Variants in FAM81A observed in about 807,000 individuals in gnomAD.
FAM81A encodes family with sequence similarity 81 member A, also known as protein FAM81A.
FAM81A carries 19 observed loss-of-function variants against 46.7 expected under a neutral mutation model. The observed-to-expected ratio is 0.41, with a 90% confidence interval of 0.28 to 0.60. FAM81A has a LOEUF of 0.60. Ranked by LOEUF, FAM81A falls within the 20% of genes least tolerant of loss-of-function variation. The pLI, the probability that FAM81A is intolerant of heterozygous loss-of-function variation, is 0.34. For missense variants in FAM81A, 377 were observed against 453.5 expected, an observed-to-expected ratio of 0.83 and a Z score of 1.53; for synonymous variants, 183 against 152.9, an observed-to-expected ratio of 1.20 and a Z score of -1.45.
intron 3 of FAM81A, among the ~76,000 whole-genome samples, chr15:59,491,053 C>T (rs956467344): frequency 5.3e-5 from 8 of 152,146 alleles, no homozygotes; most frequent in African/African-American, 1.7e-4. Context: ...TCAGCAATCC[C>T]ACTGCTAGGT....
At chr15:59,499,740 C>T (rs1255516780) in intron 4 of FAM81A, among the ~76,000 whole-genome samples, 1 of 152,054 alleles carries the variant, frequency 6.6e-6, no homozygotes, top group African/African-American at 2.4e-5. Flanking sequence ...CATCTACTGC[C>T]TTGTGGTCTC....
intron 3 of FAM81A, among the ~76,000 whole-genome samples, chr15:59,476,224 A>AT (rs1167017438): frequency 8.6e-5 from 13 of 150,874 alleles, no homozygotes; most frequent in African/African-American, 2.7e-4. Flanking sequence ...TTTAACCTAC[A>AT]ATTTTTTTTT....
chr15:59,521,184 G>C, intron 8 of FAM81A, 70 bp from the exon 9 acceptor site: 1 of 1,531,606 alleles, frequency 6.5e-7, no homozygotes, highest in African/African-American at 1.4e-5. Flanking sequence ...ACCATTACTA[G>C]ATACTATAGA....
At chr15:59,510,419 G>A (rs146337290) in intron 6 of FAM81A, among the ~76,000 whole-genome samples, 113 of 147,784 alleles carry the variant, frequency 7.6e-4, no homozygotes, top group African/African-American at 2.7e-3. Context: ...TAAGTAAAAA[G>A]CCAAGTCTAG....
intron 1 of FAM81A, among the ~76,000 whole-genome samples, chr15:59,450,793 T>C (rs1475818114): frequency 1.3e-5 from 2 of 152,240 alleles, no homozygotes; most frequent in African/African-American, 4.8e-5. Context: ...CATTTAGACT[T>C]AAAACTTAGA....
intron 2 of FAM81A, among the ~76,000 whole-genome samples, chr15:59,422,047 T>A (rs1022856431): frequency 1.3e-5 from 2 of 152,138 alleles, no homozygotes; most frequent in African/African-American, 2.4e-5. Flanking sequence ...GTATTTTTTT[T>A]AATTGAGGTG....
chr15:59,427,021 A>G (rs2081197908), intron 2 of FAM81A, among the ~76,000 whole-genome samples: 1 of 152,234 alleles, frequency 6.6e-6, no homozygotes. Context: ...GCTAAGATCA[A>G]ACATATCAGA....
chr15:59,440,969 A>T (rs1221028396), intron 1 of FAM81A, among the ~76,000 whole-genome samples: 1 of 152,088 alleles, frequency 6.6e-6, no homozygotes, highest in Non-Finnish European at 1.5e-5. Context: ...TTCCATTGAA[A>T]ATTTACGTTG....
chr15:59,472,685 A>T (rs957032744), intron 3 of FAM81A, among the ~76,000 whole-genome samples: 1 of 151,850 alleles, frequency 6.6e-6, no homozygotes, highest in African/African-American at 2.4e-5. Flanking sequence ...TGAGGAGCTG[A>T]GACTACAGGC....
chr15:59,404,468 G>A (rs1389400969), intron 2 of FAM81A, among the ~76,000 whole-genome samples: 1 of 150,628 alleles, frequency 6.6e-6, no homozygotes, highest in African/African-American at 2.4e-5. Context: ...TACATTCTTT[G>A]TTTTTTTTTA....
At chr15:59,459,899 C>G (rs1435726768) in intron 2 of FAM81A, 34 bp from the exon 3 acceptor site, 1 of 1,523,684 alleles carries the variant, frequency 6.6e-7, no homozygotes, top group Non-Finnish European at 8.8e-7. Flanking sequence ...ATTATTTTTT[C>G]CCAATTAACA....
chr15:59,440,864 C>G (rs1422664925), intron 1 of FAM81A, among the ~76,000 whole-genome samples: 1 of 152,138 alleles, frequency 6.6e-6, no homozygotes. Context: ...TCTTATATTT[C>G]AGTCCTCAAT....
chr15:59,493,164 T>A (rs530044426), intron 4 of FAM81A, among the ~76,000 whole-genome samples: 8 of 152,322 alleles, frequency 5.3e-5, no homozygotes, highest in African/African-American at 1.9e-4. Context: ...GAGGGTGGTC[T>A]GCATGGAGTC....
intron 2 of FAM81A, among the ~76,000 whole-genome samples, chr15:59,427,843 T>A (rs1278138277): frequency 6.6e-6 from 1 of 152,260 alleles, no homozygotes; most frequent in Non-Finnish European, 1.5e-5. Context: ...TTTTTGTTAT[T>A]GTGAATAGTG....
At chr15:59,518,978 G>T (rs913892948) in intron 8 of FAM81A, among the ~76,000 whole-genome samples, 1 of 121,116 alleles carries the variant, frequency 8.3e-6, no homozygotes, top group Admixed American at 8.4e-5. Context: ...TGTGTGTGTG[G>T]CAAGAACACC....
chr15:59,442,618 C>CAAAAAAAAAAAAAAAAAA (rs1196305104), intron 1 of FAM81A, among the ~76,000 whole-genome samples: 2 of 76,696 alleles, frequency 2.6e-5, no homozygotes, highest in South Asian at 4.4e-4. Flanking sequence ...CTCCGTCTCT[C>CAAAAAAAAAAAAAAAAAA]AAAAAAAAAA....
chr15:59,435,807 T>C (rs567311658), upstream of FAM81A, among the ~76,000 whole-genome samples: 1 of 152,336 alleles, frequency 6.6e-6, no homozygotes, highest in South Asian at 2.1e-4. Context: ...GGCTTTTTAA[T>C]TGAAGTAATG....
intron 1 of FAM81A, among the ~76,000 whole-genome samples, chr15:59,442,428 C>A (rs2081308288): frequency 6.6e-6 from 1 of 151,864 alleles, no homozygotes; most frequent in African/African-American, 2.4e-5. Flanking sequence ...GCCTGGCTAA[C>A]ATATAGTGAA....
intron 2 of FAM81A, among the ~76,000 whole-genome samples, chr15:59,429,980 C>T (rs2141563022): frequency 6.6e-6 from 1 of 152,274 alleles, no homozygotes; most frequent in Non-Finnish European, 1.5e-5. Flanking sequence ...TGTGAGTCTT[C>T]TTTGTTCTGG....
Sources: gnomAD v4.1 joint callset for allele counts (sites outside exome capture counted in the v4.1 genomes callset) on GRCh38, gnomAD v4.1.1 for gene constraint, MANE v1.5 for transcripts, NCBI Gene and HGNC (gene_info 2026-07-23, HGNC 2026-07-21) for gene names.